Variants in RB1CC1 observed in about 807,000 individuals in gnomAD.
RB1CC1 encodes the protein RB1-inducible coiled-coil protein 1.
A neutral mutation model predicts 177.5 loss-of-function variants in RB1CC1; 46 were observed. The observed-to-expected ratio is 0.26, with a 90% CI of 0.20 to 0.33. The LOEUF (loss-of-function observed/expected upper bound fraction) is 0.33. Among genes scored for constraint, RB1CC1 ranks in the 10% least tolerant of loss-of-function variants. RB1CC1 has a pLI of 1.00. For missense variants in RB1CC1, 1,703 were observed against 1,816.3 expected, an observed-to-expected ratio of 0.94 and a Z score of 1.13; for synonymous variants, 666 against 613.6, an observed-to-expected ratio of 1.09 and a Z score of -1.26.
intron 1 of RB1CC1, among the ~76,000 whole-genome samples, chr8:52,694,008 A>G (rs2150650760): frequency 6.6e-6 from 1 of 152,312 alleles, no homozygotes; most frequent in South Asian, 2.1e-4. Flanking sequence ...TCATCCTGGC[A>G]GTGTGGAATT....
chr8:52,660,533 A>G, intron 12 of RB1CC1, 63 bp downstream of exon 12: 1 of 1,376,208 alleles, frequency 7.3e-7, no homozygotes, highest in Non-Finnish European at 1.0e-6. Flanking sequence ...AAATGTCTCT[A>G]CTTCTGGAAA....
chr8:52,675,712 TCCAAAAAA>T (rs1419770601), intron 6 of RB1CC1, among the ~76,000 whole-genome samples: 20 of 48,422 alleles, frequency 4.1e-4, no homozygotes, highest in Middle Eastern at 0.017. Flanking sequence ...CTACTAAAAA[TCCAAAAAA>T]AAAAAAAAAA....
chr8:52,692,624 G>A (rs745715300), intron 1 of RB1CC1, among the ~76,000 whole-genome samples: 112 of 152,002 alleles, frequency 7.4e-4, no homozygotes, highest in Non-Finnish European at 2.4e-4. Flanking sequence ...GCTGGATCAC[G>A]GGGGAAAAAA....
intron 15 of RB1CC1, among the ~76,000 whole-genome samples, chr8:52,655,397 C>T (rs1295569817): frequency 6.6e-6 from 1 of 152,006 alleles, no homozygotes; most frequent in African/African-American, 2.4e-5. Flanking sequence ...AGTAAAAATA[C>T]TAAAAACCAT....
intron 1 of RB1CC1, among the ~76,000 whole-genome samples, chr8:52,701,266 G>A (rs946907334): frequency 2.6e-5 from 4 of 151,820 alleles, no homozygotes; most frequent in Admixed American, 1.3e-4. Flanking sequence ...TTGATTACAC[G>A]CACCCACCAC....
chr8:52,641,294 G>T lies in RB1CC1; in HGVS notation c.4337+1057C>A, dbSNP rs532624309. Among the ~76,000 whole-genome samples, 6 of 142,726 alleles carry T rather than the reference G, an allele frequency of 4.2e-5. No individual in the cohort carries two copies. In the South Asian group the frequency reaches 1.3e-3, roughly 31 times the overall value. 93.6% of individuals were successfully genotyped at this position (142,726 alleles called of 152,430 possible). On this transcript the variant is annotated intron_variant, in intron 18 of 23. Coordinates refer to ENST00000025008, the MANE Select transcript of RB1CC1 (RefSeq NM_014781.5). ...GGCTATTCAGGAGGCTAAGGCAGAA[G>T]AATCACTTGAACCCAGGAGGCGGAG...
chr8:52,676,158 G>A (rs1165046420), intron 6 of RB1CC1, among the ~76,000 whole-genome samples: 1 of 152,134 alleles, frequency 6.6e-6, no homozygotes, highest in African/African-American at 2.4e-5. Flanking sequence ...CCAAGAGAAA[G>A]AAATGTGGGA....
intron 21 of RB1CC1, among the ~76,000 whole-genome samples, chr8:52,628,373 A>G (rs182631677): frequency 1.3e-5 from 2 of 152,322 alleles, no homozygotes; most frequent in East Asian, 3.9e-4. Flanking sequence ...GGATGATGTC[A>G]GGGGCTGTCA....
rs374304660 is a variant in RB1CC1 at position 52,628,063 on chromosome 8, T to G, written c.4605A>C (p.Leu1535=). 1.9e-6 allele frequency: 3 copies of G among 1,605,718 alleles called. No individual in the cohort carries two copies. Among genetic ancestry groups the G allele is most frequent in the African/African-American group, 2.7e-5 (2 of 74,490 alleles). Residue 1535 remains leucine, a synonymous_variant, in exon 22 of 24, where the codon CTA becomes CTC. Coordinates refer to ENST00000025008, the MANE Select transcript of RB1CC1 (RefSeq NM_014781.5). ...CACCTGGTTTGAGATCCAGGGCAGG[T>G]AGAGACTCTGAATGTAGAAAATATA... ...PTLYFLHSES[L]PALDLKPGEG...
intron 15 of RB1CC1, among the ~76,000 whole-genome samples, chr8:52,651,306 G>A (rs535516554): frequency 1.3e-5 from 2 of 152,258 alleles, no homozygotes; most frequent in South Asian, 4.1e-4. Context: ...CTAGATCAAG[G>A]GCAGGTAAAT....
Position 52,636,080 on chromosome 8 carries a change from GAAT to G in RB1CC1, c.4338-14_4338-12del, listed in dbSNP as rs760983959. The G allele has an allele frequency of 3.1e-6, 5 of 1,598,076 alleles. No individual in the cohort carries two copies. Among genetic ancestry groups the G allele is most frequent in the African/African-American group, 2.7e-5 (2 of 74,404 alleles). On this transcript the variant is annotated splice_polypyrimidine_tract_variant and intron_variant, in intron 18 of 23. Transcript: ENST00000025008. ...ATATGAATATTTTCTCTAAAAGTGA[GAAT>G]AATTGAGTTTCAGTTTGAAATTCTA...
chr8:52,657,813 T>C lies in RB1CC1; in HGVS notation c.2016A>G (p.Pro672=). The C allele has an allele frequency of 6.2e-7, 1 of 1,613,964 alleles. No homozygotes were observed. The highest frequency in any genetic ancestry group is 8.5e-7 in the Non-Finnish European group (1 of 1,179,986). Residue 672 remains proline, a synonymous_variant, in exon 15 of 24, where the codon CCA becomes CCG. Transcript: ENST00000025008. ...ITTTTSPRTP[P]PLTVQDPLCP... ...ATAAGGGATCCTGAACAGTCAGTGGTGGAGGAGTTCTCGGTGAGGTAGTAG... is the reference window on the plus strand; with the variant it reads ...ATAAGGGATCCTGAACAGTCAGTGGCGGAGGAGTTCTCGGTGAGGTAGTAG...
chr8:52,647,472 T>C (rs1457821547), intron 15 of RB1CC1, among the ~76,000 whole-genome samples: 1 of 152,146 alleles, frequency 6.6e-6, no homozygotes, highest in East Asian at 1.9e-4. Context: ...AACTACTCCA[T>C]GGCTGGAAAA....
At chr8:52,687,032 G>A (rs990484177) in intron 1 of RB1CC1, 65 bp from the exon 2 acceptor site, 2 of 442,124 alleles carry the variant, frequency 4.5e-6, no homozygotes, top group African/African-American at 4.1e-5. Flanking sequence ...TATGGCTATT[G>A]TTCCTTTCTT....
intron 1 of RB1CC1, among the ~76,000 whole-genome samples, chr8:52,711,022 A>G (rs995895590): frequency 2.0e-5 from 3 of 152,222 alleles, no homozygotes; most frequent in Admixed American, 6.5e-5. Context: ...GAAATGGAAC[A>G]CAATTATTTT....
intron 1 of RB1CC1, among the ~76,000 whole-genome samples, chr8:52,691,903 C>A (rs1037058078): frequency 6.6e-6 from 1 of 152,186 alleles, no homozygotes; most frequent in Non-Finnish European, 1.5e-5. Flanking sequence ...GTAAATGGCA[C>A]ATAAAATCAT....
intron 18 of RB1CC1, among the ~76,000 whole-genome samples, chr8:52,641,622 G>A (rs748414474): frequency 2.6e-5 from 4 of 151,862 alleles, no homozygotes; most frequent in African/African-American, 4.8e-5. Flanking sequence ...TCACTTGTTC[G>A]AATTACTTCA....
intron 5 of RB1CC1, among the ~76,000 whole-genome samples, chr8:52,680,968 TTGTGTGTGTG>T (rs34048284): frequency 1.5e-5 from 2 of 131,064 alleles, no homozygotes; most frequent in African/African-American, 2.9e-5. Context: ...TTGTGGGGTT[TTGTGTGTGTG>T]TGTGTGTGTG....
In RB1CC1 at chr8:52,658,877, G is replaced by A; in HGVS notation, c.1789C>T (p.Leu597Phe). 3 of 1,560,768 alleles carry A rather than the reference G, an allele frequency of 1.9e-6. No homozygotes were observed. Among genetic ancestry groups the A allele is most frequent in the Non-Finnish European group, 2.6e-6 (3 of 1,149,738 alleles). Residue 597 changes from leucine (L) to phenylalanine (F), a missense_variant, in exon 13 of 24, where the codon CTC becomes TTC. By Grantham distance (22) the Leu-to-Phe change is conservative. Coordinates refer to ENST00000025008, the MANE Select transcript of RB1CC1 (RefSeq NM_014781.5). ...GAAAATACTAATGACATTTACCTGA[G>A]GAATGGCTGAACTTCCGAAGGACAA... ...SFCPSEVQPF[L>F]RVPLLCDFEP... is the part of the protein sequence containing the mutation.
Sources: allele counts gnomAD v4.1 joint callset (sites outside exome capture counted in the v4.1 genomes callset), GRCh38; gene constraint gnomAD v4.1.1; transcripts MANE v1.5; gene names NCBI Gene and HGNC (gene_info 2026-07-23, HGNC 2026-07-21).